TMEM132B: variants seen among roughly 807,000 people sequenced by gnomAD.
TMEM132B encodes transmembrane protein 132B.
A neutral mutation model predicts 90.8 loss-of-function variants in TMEM132B; 18 were observed. The ratio of observed to expected loss-of-function variants is 0.20; its 90% CI spans 0.14 to 0.29. The LOEUF (loss-of-function observed/expected upper bound fraction) is 0.29, where lower values mean the gene tolerates loss of function less well. Ranked by LOEUF, TMEM132B falls within the 10% of genes least tolerant of loss-of-function variation. TMEM132B has a pLI of 1.00. For synonymous variants in TMEM132B, 504 were observed against 523.3 expected, an observed-to-expected ratio of 0.96 and a Z score of 0.50; for missense variants, 1,096 against 1,326.8, an observed-to-expected ratio of 0.83 and a Z score of 2.70.
At chr12:125,549,129 G>A (rs974457403) in intron 4 of TMEM132B, among the ~76,000 whole-genome samples, 2 of 152,240 alleles carry the variant, frequency 1.3e-5, no homozygotes, top group African/African-American at 4.8e-5. Context: ...ATCTGAAAAT[G>A]TCACTTCATA....
intron 5 of TMEM132B, among the ~76,000 whole-genome samples, chr12:125,634,513 A>T (rs1196266623): frequency 1.3e-5 from 2 of 152,174 alleles, no homozygotes; most frequent in African/African-American, 4.8e-5. Context: ...TAACCATCAC[A>T]GTTGGGAATG....
rs753976318 is a variant in TMEM132B at position 125,650,711 on chromosome 12, G to T, written c.1672G>T (p.Asp558Tyr). 1 of 1,610,970 alleles carries T rather than the reference G, an allele frequency of 6.2e-7. No individual in the cohort carries two copies. Among genetic ancestry groups the T allele is most frequent in the Non-Finnish European group, 8.5e-7 (1 of 1,177,240 alleles). Reference protein sequence around the residue: ...RPTRESDDEDDEEKKGRGCSL... With the variant: ...RPTRESDDEDYEEKKGRGCSL... ...TACCCGGGAAAGCGATGACGAGGACGATGAGGAGAAGAAGGGACGAGGCTG... is the reference window on the plus strand; with the variant it reads ...TACCCGGGAAAGCGATGACGAGGACTATGAGGAGAAGAAGGGACGAGGCTG... The change falls in exon 7 of 9, where the codon GAT becomes TAT. Residue 558 changes from aspartate (D) to tyrosine (Y), a missense_variant. Physicochemically the swap from Asp to Tyr is radical, Grantham distance 160. Transcript: ENST00000682704.
chr12:125,320,494 C>T (rs879331005), intron 1 of TMEM132B, among the ~76,000 whole-genome samples: 3 of 152,106 alleles, frequency 2.0e-5, no homozygotes, highest in African/African-American at 4.8e-5. Flanking sequence ...CGTGTGGAAC[C>T]GGCCTGTTGC....
At chr12:125,566,903 G>A (rs1313950186) in intron 4 of TMEM132B, among the ~76,000 whole-genome samples, 1 of 136,176 alleles carries the variant, frequency 7.3e-6, no homozygotes, top group Non-Finnish European at 1.5e-5. Flanking sequence ...GAGTGCAGTG[G>A]TGCGGTCTCA....
At chr12:125,390,806 T>C (rs971699734) in intron 2 of TMEM132B, among the ~76,000 whole-genome samples, 11 of 91,626 alleles carry the variant, frequency 1.2e-4, no homozygotes, top group Non-Finnish European at 1.3e-4. Flanking sequence ...ATACCATGAC[T>C]GAAACCTCGA....
In TMEM132B at chr12:125,349,539, C is replaced by T. The variant is rs1877484432; in HGVS notation, c.155C>T (p.Ala52Val). 6.2e-7 allele frequency: 1 copy of T among 1,614,086 alleles called. No homozygotes were observed. ...YLPTNLHISN[A>V]EESFFLKEAN... ...CCCACGAACTTGCACATCTCCAATG[C>T]AGAGGAGTCCTTTTTCCTTAAAGAA... Residue 52 changes from alanine to valine, a missense_variant, in exon 2 of 9, where the codon GCA (alanine) becomes GTA (valine). By Grantham distance (64) the Ala-to-Val change is moderately conservative. Coordinates refer to ENST00000682704, the MANE Select transcript of TMEM132B (RefSeq NM_001366854.1). The surrounding 1 kb of genome is among the most constrained non-coding windows in gnomAD (Gnocchi z 4.1).
chr12:125,623,326 C>G (rs1361934870), intron 5 of TMEM132B, among the ~76,000 whole-genome samples: 1 of 152,166 alleles, frequency 6.6e-6, no homozygotes, highest in Non-Finnish European at 1.5e-5. Flanking sequence ...GCCTGCATTG[C>G]TTGTATAGTC....
At chr12:125,620,612 T>A (rs1886093673) in intron 5 of TMEM132B, among the ~76,000 whole-genome samples, 1 of 152,232 alleles carries the variant, frequency 6.6e-6, no homozygotes, top group Non-Finnish European at 1.5e-5. Flanking sequence ...GTTCTCACAC[T>A]GCTAATAAAG....
chr12:125,613,909 GT>G (rs1885923510), intron 5 of TMEM132B, among the ~76,000 whole-genome samples: 1 of 151,952 alleles, frequency 6.6e-6, no homozygotes. Context: ...TCCATTTGAT[GT>G]CATTTTCTTA....
chr12:125,460,728 A>G lies in TMEM132B; in HGVS notation c.1106+45051A>G, dbSNP rs546744677. ...TGGGGCCAGTGTCATCAGCGTGTGT[A>G]TGTCATTGGCAGCCACTTCTTTTGA... On this transcript the variant is annotated intron_variant, in intron 3 of 8. Transcript: ENST00000682704. This position sits in a 1 kb window ranked among gnomAD's most constrained non-coding sequence, Gnocchi z 4.4. 4.6e-5 allele frequency among the ~76,000 whole-genome samples: 7 copies of G among 152,182 alleles called. No homozygotes were observed. Among genetic ancestry groups the G allele is most frequent in the Non-Finnish European group, 8.8e-5 (6 of 68,032 alleles).
intron 1 of TMEM132B, among the ~76,000 whole-genome samples, chr12:125,243,032 T>TATATATATATACACAC (rs1215676534): frequency 2.7e-4 from 37 of 135,002 alleles, no homozygotes; most frequent in African/African-American, 9.9e-4. Flanking sequence ...TATATATATA[T>TATATATATATACACAC]ACACACACAC....
intron 2 of TMEM132B, among the ~76,000 whole-genome samples, chr12:125,365,475 C>G (rs1878099237): frequency 6.6e-6 from 1 of 152,046 alleles, no homozygotes; most frequent in Admixed American, 6.6e-5. Flanking sequence ...TTGCATTTAT[C>G]CAGATTTTGC....
At chr12:125,192,108 C>T (rs1431368443) in intron 1 of TMEM132B, among the ~76,000 whole-genome samples, 1 of 152,190 alleles carries the variant, frequency 6.6e-6, no homozygotes, top group East Asian at 1.9e-4. Context: ...ACTAACCCTG[C>T]TGTTGGGCAC....
At chr12:125,650,599 G>T in intron 6 of TMEM132B, 84 bp from the exon 7 acceptor site, 2 of 1,495,450 alleles carry the variant, frequency 1.3e-6, no homozygotes, top group South Asian at 2.6e-5. Flanking sequence ...CATTCTGTGG[G>T]CTCACCTAGA....
At chr12:125,550,800 C>T (rs1054132131) in intron 4 of TMEM132B, among the ~76,000 whole-genome samples, 35 of 150,760 alleles carry the variant, frequency 2.3e-4, no homozygotes, top group African/African-American at 5.6e-4. Flanking sequence ...TTTTTTGAGA[C>T]GGAGTTTCAC....
chr12:125,553,670 C>A (rs1258974641), intron 4 of TMEM132B, among the ~76,000 whole-genome samples: 1 of 148,386 alleles, frequency 6.7e-6, no homozygotes, highest in Non-Finnish European at 1.5e-5. Context: ...TGAAATGAAT[C>A]ACATAGGGAG....
At chr12:125,527,002 T>C (rs1322813042) in intron 4 of TMEM132B, among the ~76,000 whole-genome samples, 1 of 100,510 alleles carries the variant, frequency 9.9e-6, no homozygotes. Context: ...TTCTATCCAA[T>C]CATTTACCCT....
chr12:125,618,741 C>T (rs1886049486), intron 5 of TMEM132B, among the ~76,000 whole-genome samples: 1 of 151,940 alleles, frequency 6.6e-6, no homozygotes, highest in South Asian at 2.1e-4. Context: ...CCACAGAGCT[C>T]CTTAGAGAGC....
intron 2 of TMEM132B, among the ~76,000 whole-genome samples, chr12:125,352,182 C>T (rs368244776): frequency 1.3e-5 from 2 of 152,302 alleles, no homozygotes; most frequent in East Asian, 3.9e-4. Flanking sequence ...TTATCCCTGC[C>T]CTGTTTGATG....
Sources: allele counts gnomAD v4.1 joint callset (sites outside exome capture counted in the v4.1 genomes callset), GRCh38; gene constraint gnomAD v4.1.1; non-coding constraint Gnocchi (gnomAD v3.1); transcripts MANE v1.5; gene names NCBI Gene and HGNC (gene_info 2026-07-23, HGNC 2026-07-21).